The following IAH1 variants were observed in gnomAD, a reference collection of about 807,000 sequenced individuals.
IAH1 encodes isoamyl acetate-hydrolyzing esterase 1 homolog.
Under a neutral mutation model 26.7 loss-of-function variants are expected in IAH1, and 24 were observed. The ratio of observed to expected loss-of-function variants is 0.90; its 90% CI spans 0.65 to 1.26. The LOEUF (loss-of-function observed/expected upper bound fraction) is 1.26. IAH1 is among the 50% of genes most tolerant of loss of function. The pLI is 0.00. For synonymous variants in IAH1, 140 were observed against 118.5 expected (o/e 1.18, Z -1.18); for missense variants, 300 against 299.9 (o/e 1.00, Z 0.00).
At position 9,489,259 on chromosome 2, in the gene IAH1, A is replaced by ATTTTTTTTTTTTTT. The variant is rs34525911; in HGVS notation, c.*941_*954dup. The ATTTTTTTTTTTTTT allele has an allele frequency of 1.4e-3, 118 of 87,392 alleles. 11 individuals are homozygous for ATTTTTTTTTTTTTT. The highest frequency in any genetic ancestry group is 7.5e-3 in the African/African-American group (116 of 15,522). 5.4% of individuals were successfully genotyped at this position (87,392 alleles called of 1,614,324 possible). On this transcript the variant is annotated 3_prime_UTR_variant, in exon 6 of 6. Coordinates refer to ENST00000497473, the MANE Select transcript of IAH1 (RefSeq NM_001039613.3). ...AATATTCTAGGTTTGTAGATAGTGAATTTTTTTTTTTTTTTTTTTTTTTTG... is the reference window on the plus strand; with the variant it reads ...AATATTCTAGGTTTGTAGATAGTGAATTTTTTTTTTTTTTTTTTTTTTTTTTTTTTTTTTTTTTG...
chr2:9,502,325 A>C, the IAH1 span: 12 of 1,485,242 alleles, frequency 8.1e-6, no homozygotes, highest in Admixed American at 2.0e-4. Context: ...TTATGGCCCC[A>C]TATCAAATCA....
At chr2:9,499,113 CTT>C (rs59259119), downstream of IAH1, among the ~76,000 whole-genome samples, 3 of 47,510 alleles carry the variant, frequency 6.3e-5, no homozygotes, top group Non-Finnish European at 9.7e-5. Flanking sequence ...CTTTCTTCTT[CTT>C]TTTTTTTTTT....
Position 9,474,671 on chromosome 2 carries a change from C to G in IAH1, c.81+24C>G. 7 of 1,514,682 alleles carry G rather than the reference C, an allele frequency of 4.6e-6. No homozygotes were observed. The highest frequency in any genetic ancestry group is 2.7e-5 in the East Asian group (1 of 37,442). The allele number at this position is 1,514,682 out of a possible 1,614,324, so 93.8% of individuals were successfully genotyped here. A position where few individuals can be genotyped will look rare whatever the true frequency, so the allele number is the denominator to read the frequency against. On this transcript the variant is annotated intron_variant, in intron 1 of 5. Coordinates refer to ENST00000497473, the MANE Select transcript of IAH1 (RefSeq NM_001039613.3). This position sits in a 1 kb window ranked among gnomAD's most constrained non-coding sequence, Gnocchi z 4.3. ...AGGTACGGCCGCCCCGACGCTCGGC[C>G]TCCCGCCCCGGCCTCCCTGCGGGGT...
downstream of IAH1, among the ~76,000 whole-genome samples, chr2:9,499,716 A>G (rs899865175): frequency 2.6e-5 from 4 of 152,130 alleles, no homozygotes; most frequent in African/African-American, 4.8e-5. Context: ...GGTTCCTAAC[A>G]TTTGGCAAAG....
chr2:9,490,615 T>C (rs1357993855), downstream of IAH1: 8 of 1,284,272 alleles, frequency 6.2e-6, no homozygotes, highest in South Asian at 3.0e-5. Flanking sequence ...TCTTATTCTG[T>C]TGGCACTGTG....
intron 6 of IAH1, among the ~76,000 whole-genome samples, chr2:9,495,622 G>A (rs1234537701): frequency 2.0e-5 from 3 of 151,456 alleles, no homozygotes; most frequent in East Asian, 1.9e-4. Context: ...GCTGAGGCAC[G>A]AGAATCACTT....
chr2:9,491,192 A>G (rs779027718), downstream of IAH1: 4 of 1,572,018 alleles, frequency 2.5e-6, no homozygotes, highest in Admixed American at 5.0e-5. Flanking sequence ...TACAAATACA[A>G]TTCAGTTAGT....
At chr2:9,500,788 T>C (rs1662952790), downstream of IAH1, among the ~76,000 whole-genome samples, 1 of 152,218 alleles carries the variant, frequency 6.6e-6, no homozygotes, top group African/African-American at 2.4e-5. Flanking sequence ...TGTCCGTTTA[T>C]ATACCTAGTA....
chr2:9,477,515 C>T (rs1558475184), intron 2 of IAH1, among the ~76,000 whole-genome samples: 1 of 152,104 alleles, frequency 6.6e-6, no homozygotes, highest in Non-Finnish European at 1.5e-5. Flanking sequence ...TCTTATGTGA[C>T]TGGTATTCTC....
intron 1 of IAH1, 99 bp from the exon 2 acceptor site, chr2:9,475,888 A>AGG: frequency 1.0e-6 from 1 of 984,756 alleles, no homozygotes; most frequent in South Asian, 1.4e-5. Flanking sequence ...AAAGCCAAGA[A>AGG]GGGAGCGCCG....
At chr2:9,509,255 C>T in the IAH1 span, among the ~76,000 whole-genome samples, 1 of 152,228 alleles carries the variant, frequency 6.6e-6, no homozygotes, top group Non-Finnish European at 1.5e-5. Flanking sequence ...TTTCCTCACA[C>T]TGCTTTATGC....
the IAH1 span, among the ~76,000 whole-genome samples, chr2:9,505,995 C>T: frequency 1.3e-5 from 2 of 152,120 alleles, no homozygotes; most frequent in Non-Finnish European, 2.9e-5. Flanking sequence ...CACTACCTTC[C>T]CACCCTGGAG....
Position 9,474,789 on chromosome 2 carries a change from G to C in IAH1, c.81+142G>C. 1.6e-6 allele frequency: 1 copy of C among 612,488 alleles called. No individual in the cohort carries two copies. Among genetic ancestry groups the C allele is most frequent in the Non-Finnish European group, 2.5e-6 (1 of 400,306 alleles). 37.9% of individuals were successfully genotyped at this position (612,488 alleles called of 1,614,324 possible). On this transcript the variant is annotated intron_variant, in intron 1 of 5. Coordinates refer to ENST00000497473, the MANE Select transcript of IAH1 (RefSeq NM_001039613.3). This position sits in a 1 kb window ranked among gnomAD's most constrained non-coding sequence, Gnocchi z 4.3. ...GGCCACGCCCGTGGAGACACCGGAG[G>C]AGTGGCGGGTCCCCCAGTGGCTGCG...
chr2:9,486,402 T>C (rs942769151), intron 5 of IAH1: 2 of 152,194 alleles, frequency 1.3e-5, no homozygotes, highest in African/African-American at 4.8e-5. Flanking sequence ...TCACATGTCT[T>C]TTTCAATTTA....
chr2:9,479,217 A>C (rs1310304545), intron 3 of IAH1, among the ~76,000 whole-genome samples: 1 of 152,344 alleles, frequency 6.6e-6, no homozygotes, highest in African/African-American at 2.4e-5. Flanking sequence ...AAAAACCATA[A>C]GAAAACTCAA....
At chr2:9,491,142 A>G (rs576343468), downstream of IAH1, 4 of 1,612,974 alleles carry the variant, frequency 2.5e-6, no homozygotes, top group Admixed American at 3.3e-5. Context: ...TGTTTATCCA[A>G]TTTCTTATCC....
downstream of IAH1, chr2:9,496,988 T>C: frequency 7.1e-7 from 1 of 1,417,072 alleles, no homozygotes; most frequent in Middle Eastern, 2.3e-4. Context: ...CCCTTCCCCA[T>C]CCCCTCATCC....
chr2:9,475,867 G>A (rs1682459881), intron 1 of IAH1, 120 bp from the exon 2 acceptor site: 1 of 788,322 alleles, frequency 1.3e-6, no homozygotes, highest in African/African-American at 1.7e-5. Context: ...ACCTCCTGGA[G>A]TGAAGCAATC....
the IAH1 span, among the ~76,000 whole-genome samples, chr2:9,503,134 T>C: frequency 8.5e-6 from 1 of 117,238 alleles, no homozygotes; most frequent in Non-Finnish European, 1.7e-5. Context: ...GGCGAGACTC[T>C]CTCAAAAAAA....
Sources: allele counts gnomAD v4.1 joint callset (sites outside exome capture counted in the v4.1 genomes callset), GRCh38; gene constraint gnomAD v4.1.1; non-coding constraint Gnocchi (gnomAD v3.1); transcripts MANE v1.5; gene names NCBI Gene and HGNC (gene_info 2026-07-23, HGNC 2026-07-21).